The following CGGBP1 variants were observed in gnomAD, a reference collection of about 807,000 sequenced individuals.
The protein encoded by CGGBP1 is CGG triplet repeat-binding protein 1.
CGGBP1 carries 4 observed loss-of-function variants against 11.4 expected under a neutral mutation model. The observed-to-expected ratio is 0.35, with a 90% CI of 0.17 to 0.80. The LOEUF is 0.80. Among genes scored for constraint, CGGBP1 ranks in the 30% least tolerant of loss-of-function variants. CGGBP1 has a pLI of 0.52. For synonymous variants in CGGBP1, 76 were observed against 74.1 expected, an observed-to-expected ratio of 1.03 and a Z score of -0.13; for missense variants, 135 against 202.1, an observed-to-expected ratio of 0.67 and a Z score of 2.01.
At chr3:88,131,235 C>T (rs6782507) in intron 2 of CGGBP1, among the ~76,000 whole-genome samples, 119,201 of 152,158 alleles carry the variant, frequency 0.78, 47,612 homozygotes, top group South Asian at 0.91. Context: ...AGAAAAAGTA[C>T]AGTAAAAATG....
At position 88,055,717 on chromosome 3, in the gene CGGBP1, G is replaced by A. The variant is rs750695344; in HGVS notation, c.260C>T (p.Thr87Ile). 1.9e-6 allele frequency: 3 copies of A among 1,614,210 alleles called. No individual in the cohort carries two copies. Among genetic ancestry groups the A allele is most frequent in the Non-Finnish European group, 2.5e-6 (3 of 1,180,040 alleles). ...QNVRKKQRPLTASLQCNSTAQ... is the reference protein window; with the variant it reads ...QNVRKKQRPLIASLQCNSTAQ... ...AGTACTGTTGCACTGAAGAGATGCA[G>A]TTAGGGGCCTCTGCTTCTTTCTCAC... The change falls in exon 4 of 4, where the codon ACT becomes ATT. Residue 87 changes from threonine (T) to isoleucine (I), a missense_variant. Transcript: ENST00000482016. The surrounding 1 kb of genome is among the most constrained non-coding windows in gnomAD (Gnocchi z 4.2).
At chr3:88,078,606 G>T (rs74752669) in intron 2 of CGGBP1, among the ~76,000 whole-genome samples, 1,792 of 152,164 alleles carry the variant, frequency 0.012, 20 homozygotes, top group Admixed American at 0.03. Flanking sequence ...TTATTGAATG[G>T]TTAGAAAAGG....
In CGGBP1 at chr3:88,126,074, A is replaced by T. The variant is rs1205341255; in HGVS notation, c.-229+14896T>A. 6 of 1,372,238 alleles carry T rather than the reference A, an allele frequency of 4.4e-6. No homozygotes were observed. In the East Asian group the frequency reaches 1.5e-4, roughly 35 times the overall value. 85.0% of individuals were successfully genotyped at this position (1,372,238 alleles called of 1,614,324 possible). A position where few individuals can be genotyped will look rare whatever the true frequency, so the allele number is the denominator to read the frequency against. ...ATCAGTCATTTTATTGACAATGATGATCAAGTTTAGTTTTTAACCCCTTTA... is the reference window on the plus strand; with the variant it reads ...ATCAGTCATTTTATTGACAATGATGTTCAAGTTTAGTTTTTAACCCCTTTA... On this transcript the variant is annotated intron_variant, in intron 2 of 3. Coordinates refer to the CGGBP1 transcript ENST00000462901.
At chr3:88,078,903 TG>T (rs1252275530) in intron 2 of CGGBP1, among the ~76,000 whole-genome samples, 1 of 152,048 alleles carries the variant, frequency 6.6e-6, no homozygotes. Context: ...ATAAATTCTC[TG>T]TGAATTTTTT....
At chr3:88,101,477 C>T (rs906836368) in intron 2 of CGGBP1, among the ~76,000 whole-genome samples, 3 of 152,118 alleles carry the variant, frequency 2.0e-5, no homozygotes, top group Admixed American at 6.6e-5. Flanking sequence ...CTATTTTTCA[C>T]TTAGAATAAT....
At position 88,074,344 on chromosome 3, in the gene CGGBP1, C is replaced by CTTTT. The variant is rs60776911; in HGVS notation, c.-228-16125_-228-16122dup. On this transcript the variant is annotated intron_variant, in intron 2 of 3. Transcript: ENST00000462901. ...ACTTCCAGGCTCTTTTTATATCTTA[C>CTTTT]TTTTTTTTTTTTTTTGAGACTGAGT... Among the ~76,000 whole-genome samples the CTTTT allele has an allele frequency of 1.0e-4, 14 of 137,620 alleles. 2 individuals carry two copies. Among genetic ancestry groups the CTTTT allele is most frequent in the South Asian group, 2.2e-4 (1 of 4,468 alleles). The allele number at this position is 137,620 out of a possible 152,430, so 90.3% of individuals were successfully genotyped here.
chr3:88,141,383 A>C (rs1232786825), intron 1 of CGGBP1, among the ~76,000 whole-genome samples: 1 of 152,108 alleles, frequency 6.6e-6, no homozygotes, highest in East Asian at 1.9e-4. Context: ...AGTTTCATAT[A>C]ATAAAAGTTG....
At chr3:88,056,074 G>A in intron 3 of CGGBP1, 75 bp from the exon 4 acceptor site, 1 of 1,116,816 alleles carries the variant, frequency 9.0e-7, no homozygotes. Flanking sequence ...ATAAAAGGCA[G>A]TATATAAACA....
At chr3:88,113,229 T>C in intron 2 of CGGBP1, 1 of 1,383,632 alleles carries the variant, frequency 7.2e-7, no homozygotes, top group Non-Finnish European at 9.9e-7. Flanking sequence ...ACACTTTGTC[T>C]ACACTTAAAA....
At chr3:88,059,307 C>T (rs1368979443), upstream of CGGBP1, 1 of 1,532,484 alleles carries the variant, frequency 6.5e-7, no homozygotes, top group African/African-American at 1.4e-5. Context: ...ACGCGCTGGG[C>T]GGCGAGAGCC....
chr3:88,100,668 A>G (rs1704361410), intron 2 of CGGBP1, among the ~76,000 whole-genome samples: 1 of 152,192 alleles, frequency 6.6e-6, no homozygotes, highest in African/African-American at 2.4e-5. Context: ...AGGGACATGG[A>G]TGAAGCTGGA....
chr3:88,139,186 G>A, intron 2 of CGGBP1: 1 of 1,443,202 alleles, frequency 6.9e-7, no homozygotes, highest in Non-Finnish European at 9.1e-7. Context: ...ACAGATCAGA[G>A]CACTGGAGAG....
chr3:88,130,797 A>C (rs1264977144), intron 2 of CGGBP1, among the ~76,000 whole-genome samples: 1 of 151,942 alleles, frequency 6.6e-6, no homozygotes, highest in Non-Finnish European at 1.5e-5. Context: ...AAACTCAGAG[A>C]TAAGAGTCAA....
intron 2 of CGGBP1, among the ~76,000 whole-genome samples, chr3:88,071,379 T>G (rs1707500578): frequency 6.6e-6 from 1 of 152,122 alleles, no homozygotes; most frequent in Admixed American, 6.5e-5. Context: ...GTGCAGTGGC[T>G]CACTCCTGTA....
chr3:88,140,128 T>G, intron 2 of CGGBP1: 1 of 1,613,898 alleles, frequency 6.2e-7, no homozygotes, highest in Non-Finnish European at 8.5e-7. Context: ...TGTTTGCATT[T>G]TAATTGCAAC....
intron 2 of CGGBP1, among the ~76,000 whole-genome samples, chr3:88,073,851 G>A (rs994970000): frequency 8.5e-5 from 13 of 152,092 alleles, no homozygotes; most frequent in African/African-American, 3.1e-4. Flanking sequence ...AGAGAGCAGT[G>A]GATTTTCTAG....
At chr3:88,095,958 G>A (rs1576264118) in intron 2 of CGGBP1, 2 of 327,486 alleles carry the variant, frequency 6.1e-6, no homozygotes, top group East Asian at 2.1e-4. Context: ...TGTGTGCTTG[G>A]TTTTCTTTCC....
chr3:88,055,677 T>G lies in CGGBP1; in HGVS notation c.300A>C (p.Lys100Asn). ...TCACAAAGTCCTGGATAACACTGAC[T>G]TTCTCTGTTTGCGCAGTACTGTTGC... ...LQCNSTAQTE[K>N]VSVIQDFVKM... The change falls in exon 4 of 4, where the codon AAA (lysine) becomes AAC (asparagine). Residue 100 changes from lysine to asparagine, a missense_variant. Transcript: ENST00000482016. This position sits in a 1 kb window ranked among gnomAD's most constrained non-coding sequence, Gnocchi z 4.2. 10 of 1,614,238 alleles carry G rather than the reference T, an allele frequency of 6.2e-6. No homozygotes were observed. The highest frequency in any genetic ancestry group is 1.3e-5 in the African/African-American group (1 of 75,062).
At chr3:88,106,731 A>G (rs1380314772) in intron 2 of CGGBP1, among the ~76,000 whole-genome samples, 2 of 152,132 alleles carry the variant, frequency 1.3e-5, no homozygotes, top group Non-Finnish European at 1.5e-5. Flanking sequence ...TGTAATTAAA[A>G]TATGTTAATG....
Sources: gnomAD v4.1 joint callset for allele counts (sites outside exome capture counted in the v4.1 genomes callset) on GRCh38, gnomAD v4.1.1 for gene constraint, Gnocchi (gnomAD v3.1) non-coding constraint, MANE v1.5 for transcripts, NCBI Gene and HGNC (gene_info 2026-07-23, HGNC 2026-07-21) for gene names.